AP1G1: variants seen among roughly 807,000 people sequenced by gnomAD.
AP1G1 encodes adaptor related protein complex 1 subunit gamma 1.
Under a neutral mutation model 108.3 loss-of-function variants are expected in AP1G1, and 7 were observed. The ratio of observed to expected loss-of-function variants is 0.06; its 90% confidence interval spans 0.04 to 0.12. The LOEUF (loss-of-function observed/expected upper bound fraction) is 0.12, where lower values mean the gene tolerates loss of function less well. Among genes scored for constraint, AP1G1 ranks in the 10% least tolerant of loss-of-function variants. AP1G1 has a pLI of 1.00. For missense variants in AP1G1, 756 were observed against 1,010.7 expected (o/e 0.75, Z 3.42); for synonymous variants, 379 against 353.5 (o/e 1.07, Z -0.81).
In AP1G1 at chr16:71,738,965, C is replaced by T; in HGVS notation, c.2245G>A (p.Val749Ile). The change falls in exon 21 of 23, where the codon GTT becomes ATT. Residue 749 changes from valine to isoleucine, a missense_variant. Val to Ile is a conservative substitution (Grantham distance 29, BLOSUM62 3). Transcript: ENST00000299980. ...NSTELDMTDF[V>I]FQAAVPKTFQ... is the part of the protein sequence containing the mutation. ...ACCTTTGGTACTGCAGCTTGGAAAACAAAGTCCGTCATATCTAGCTCTGTG... is the reference window on the plus strand; with the variant it reads ...ACCTTTGGTACTGCAGCTTGGAAAATAAAGTCCGTCATATCTAGCTCTGTG... The T allele has an allele frequency of 1.2e-6, 2 of 1,613,678 alleles. No individual in the cohort carries two copies. Among genetic ancestry groups the T allele is most frequent in the Non-Finnish European group, 1.7e-6 (2 of 1,179,906 alleles).
At chr16:71,797,460 T>TAG (rs1182175273) in intron 1 of AP1G1, among the ~76,000 whole-genome samples, 1 of 152,008 alleles carries the variant, frequency 6.6e-6, no homozygotes, top group African/African-American at 2.4e-5. Context: ...CAGAAAAACT[T>TAG]ATCTAAGTGT....
intron 1 of AP1G1, chr16:71,808,160 G>C (rs996640246): frequency 4.4e-6 from 5 of 1,140,152 alleles, no homozygotes; most frequent in African/African-American, 3.3e-5. Flanking sequence ...GCTGAGAAAA[G>C]GGTAAACAGT....
intron 1 of AP1G1, among the ~76,000 whole-genome samples, chr16:71,795,049 G>A (rs1050796978): frequency 2.0e-5 from 3 of 151,722 alleles, no homozygotes. Flanking sequence ...ACAAAATAAA[G>A]GTGTACCAGC....
At chr16:71,793,143 G>C (rs564882268) in intron 1 of AP1G1, among the ~76,000 whole-genome samples, 3 of 152,122 alleles carry the variant, frequency 2.0e-5, no homozygotes, top group Non-Finnish European at 2.9e-5. Flanking sequence ...CTCCAGCCTG[G>C]GCGATGGCAC....
chr16:71,771,414 G>A (rs1313955760), intron 4 of AP1G1, among the ~76,000 whole-genome samples, 162 bp from the exon 5 acceptor site: 1 of 152,172 alleles, frequency 6.6e-6, no homozygotes, highest in Non-Finnish European at 1.5e-5. Context: ...TCGACACAGT[G>A]ATAGCCCACT....
At chr16:71,775,327 C>T (rs1000847100) in intron 2 of AP1G1, among the ~76,000 whole-genome samples, 25 of 151,062 alleles carry the variant, frequency 1.7e-4, no homozygotes, top group African/African-American at 5.6e-4. Flanking sequence ...CCACCGCGCC[C>T]GGCCAAACTA....
chr16:71,765,456 T>C (rs1364897690), intron 7 of AP1G1, 33 bp downstream of exon 7: 3 of 1,473,128 alleles, frequency 2.0e-6, no homozygotes, highest in Non-Finnish European at 2.8e-6. Context: ...TAAATTCATA[T>C]AACATTTATT....
intron 6 of AP1G1, chr16:71,767,876 C>T (rs766825900): frequency 6.3e-7 from 1 of 1,599,294 alleles, no homozygotes; most frequent in Admixed American, 1.7e-5. Context: ...TTAATTCTTA[C>T]CTTTTCATTC....
At chr16:71,800,832 C>T (rs1257551049) in intron 1 of AP1G1, among the ~76,000 whole-genome samples, 1 of 150,872 alleles carries the variant, frequency 6.6e-6, no homozygotes, top group East Asian at 1.9e-4. Context: ...CCCATCTCTA[C>T]TAAAAATACA....
intron 19 of AP1G1, among the ~76,000 whole-genome samples, 159 bp downstream of exon 19, chr16:71,744,985 C>A (rs2030095544): frequency 6.6e-6 from 1 of 152,172 alleles, no homozygotes; most frequent in Non-Finnish European, 1.5e-5. Flanking sequence ...TATTAGTATA[C>A]AACATATAAC....
At chr16:71,807,722 A>G (rs1218270583) in intron 1 of AP1G1, 2 of 944,488 alleles carry the variant, frequency 2.1e-6, no homozygotes, top group East Asian at 1.2e-4. Context: ...CTTCAAAGTT[A>G]AGGTCACTAA....
At chr16:71,736,349 C>T (rs954931549) in intron 21 of AP1G1, among the ~76,000 whole-genome samples, 1 of 147,466 alleles carries the variant, frequency 6.8e-6, no homozygotes, top group African/African-American at 2.5e-5. Flanking sequence ...CATTAAAACA[C>T]GAAATTAGTA....
chr16:71,734,389 CT>C (rs1392357452), intron 22 of AP1G1, among the ~76,000 whole-genome samples: 2 of 152,098 alleles, frequency 1.3e-5, no homozygotes, highest in Non-Finnish European at 2.9e-5. Context: ...TTTAATCTAG[CT>C]TTTTTTGAAG....
At chr16:71,793,236 G>A (rs761189723) in intron 1 of AP1G1, among the ~76,000 whole-genome samples, 10 of 152,078 alleles carry the variant, frequency 6.6e-5, no homozygotes, top group Non-Finnish European at 8.8e-5. Context: ...TAAAAAGTCC[G>A]GAACACAGTA....
At chr16:71,800,756 G>A (rs113251388) in intron 1 of AP1G1, among the ~76,000 whole-genome samples, 5,625 of 151,322 alleles carry the variant, frequency 0.037, 350 homozygotes, top group African/African-American at 0.13. Flanking sequence ...AGCTGGGATC[G>A]CGCCACTGCA....
chr16:71,777,057 C>T (rs1424321784), intron 2 of AP1G1, among the ~76,000 whole-genome samples: 1 of 127,498 alleles, frequency 7.8e-6, no homozygotes, highest in African/African-American at 3.1e-5. Flanking sequence ...TTGCAGTGAG[C>T]TGAGATCGCG....
chr16:71,803,916 T>G (rs1041639747), intron 1 of AP1G1, among the ~76,000 whole-genome samples: 5 of 126,896 alleles, frequency 3.9e-5, no homozygotes, highest in African/African-American at 1.5e-4. Context: ...AGAGGAGGAC[T>G]CCGTCTCAAA....
At chr16:71,746,483 G>T in intron 17 of AP1G1, 105 bp downstream of exon 17, 1 of 664,522 alleles carries the variant, frequency 1.5e-6, no homozygotes, top group Non-Finnish European at 2.4e-6. Flanking sequence ...AGGGATACGA[G>T]GAACAATTAA....
intron 22 of AP1G1, 114 bp downstream of exon 22, chr16:71,734,495 T>C (rs1014486277): frequency 1.1e-5 from 9 of 839,884 alleles, no homozygotes; most frequent in African/African-American, 1.7e-5. Context: ...GGCATTTTCA[T>C]TGATCTCTTC....
Sources: allele counts gnomAD v4.1 joint callset (sites outside exome capture counted in the v4.1 genomes callset), GRCh38; gene constraint gnomAD v4.1.1; transcripts MANE v1.5; gene names NCBI Gene and HGNC (gene_info 2026-07-23, HGNC 2026-07-21).